PRDM16: variants seen among roughly 807,000 people sequenced by gnomAD.
The protein encoded by PRDM16 is histone-lysine N-methyltransferase PRDM16.
A neutral mutation model predicts 110.6 loss-of-function variants in PRDM16; 23 were observed. The ratio of observed to expected loss-of-function variants is 0.21; its 90% CI spans 0.15 to 0.29. PRDM16 has a LOEUF of 0.29. Ranked by LOEUF, PRDM16 falls within the 10% of genes least tolerant of loss-of-function variation. The pLI is 1.00. For missense variants in PRDM16, 1,615 were observed against 1,794.3 expected (o/e 0.90, Z 1.81); for synonymous variants, 799 against 781.8 (o/e 1.02, Z -0.37).
intron 2 of PRDM16, among the ~76,000 whole-genome samples, chr1:3,219,261 G>A (rs537567465): frequency 6.6e-5 from 10 of 152,344 alleles, no homozygotes; most frequent in Admixed American, 2.0e-4. Context: ...CCAGGCTGAC[G>A]TCTCAATCTG....
chr1:3,295,264 G>A (rs1361307527), intron 3 of PRDM16, among the ~76,000 whole-genome samples: 6 of 152,172 alleles, frequency 3.9e-5, no homozygotes, highest in Non-Finnish European at 7.3e-5. Context: ...TGGCTTGCAG[G>A]GTGAGCCCCT....
intron 2 of PRDM16, among the ~76,000 whole-genome samples, chr1:3,193,131 G>C: frequency 6.6e-6 from 1 of 152,236 alleles, no homozygotes; most frequent in Admixed American, 6.5e-5. Flanking sequence ...GCGGCCAGAC[G>C]ACGAGTACCC....
chr1:3,415,979 A>G (rs1297367759), intron 10 of PRDM16, among the ~76,000 whole-genome samples: 2 of 152,206 alleles, frequency 1.3e-5, no homozygotes, highest in African/African-American at 4.8e-5. Flanking sequence ...CTCAGGGAGC[A>G]AGGCAGCTTC....
intron 10 of PRDM16, 63 bp downstream of exon 10, chr1:3,414,710 C>A: frequency 1.5e-6 from 2 of 1,322,728 alleles, no homozygotes; most frequent in Non-Finnish European, 2.1e-6. Context: ...CATCTCCCGG[C>A]TGTCGAGGCT....
intron 3 of PRDM16, among the ~76,000 whole-genome samples, chr1:3,251,899 G>A (rs961839394): frequency 1.3e-5 from 2 of 152,180 alleles, no homozygotes; most frequent in Admixed American, 6.5e-5. Flanking sequence ...CTTTAAACAC[G>A]AACACACACC....
At chr1:3,147,307 G>A (rs1234430745) in intron 1 of PRDM16, among the ~76,000 whole-genome samples, 1 of 151,932 alleles carries the variant, frequency 6.6e-6, no homozygotes, top group Non-Finnish European at 1.5e-5. Context: ...GGAAAAGAAA[G>A]CCTTGAGGTC....
chr1:3,266,570 C>T (rs181076729), intron 3 of PRDM16, among the ~76,000 whole-genome samples: 1 of 152,212 alleles, frequency 6.6e-6, no homozygotes, highest in Non-Finnish European at 1.5e-5. Flanking sequence ...AGGAGCCACT[C>T]CCTGGATCTC....
At chr1:3,409,802 G>A (rs1396716209) in intron 8 of PRDM16, among the ~76,000 whole-genome samples, 2 of 121,304 alleles carry the variant, frequency 1.6e-5, no homozygotes, top group African/African-American at 3.9e-5. Context: ...GGGTGTGTGT[G>A]GTGTATGTGT....
chr1:3,418,565 C>T, intron 11 of PRDM16, 102 bp from the exon 12 acceptor site: 1 of 773,894 alleles, frequency 1.3e-6, no homozygotes, highest in Admixed American at 2.0e-5. Context: ...ACCTGTGCAT[C>T]AGGTGTGAGA....
Position 3,081,841 on chromosome 1 carries a change from A to G in PRDM16, c.37+12545A>G, listed in dbSNP as rs1266296605. ...CACCTCCTTGCTGCCCTGACTAAAC[A>G]CCAGCTTTGCAAAAGCAAGACCCTG... On this transcript the variant is annotated intron_variant, in intron 1 of 16. Coordinates refer to ENST00000270722, the MANE Select transcript of PRDM16 (RefSeq NM_022114.4). The surrounding 1 kb of genome is among the most constrained non-coding windows in gnomAD (Gnocchi z 4.6). Among the ~76,000 whole-genome samples, 7 of 151,918 alleles carry G rather than the reference A, an allele frequency of 4.6e-5. No homozygotes were observed. Among genetic ancestry groups the G allele is most frequent in the Admixed American group, 4.6e-4 (7 of 15,268 alleles).
chr1:3,170,126 C>A (rs373195054), intron 1 of PRDM16, among the ~76,000 whole-genome samples: 1 of 152,140 alleles, frequency 6.6e-6, no homozygotes, highest in Non-Finnish European at 1.5e-5. Flanking sequence ...TGAGCGCGGA[C>A]GGGCTGGGAA....
In PRDM16 at chr1:3,437,132, C is replaced by T. The variant is rs1186249898; in HGVS notation, c.*3321C>T. 4.3e-6 allele frequency: 1 copy of T among 231,784 alleles called. No individual in the cohort carries two copies. The highest frequency in any genetic ancestry group is 8.5e-6 in the Non-Finnish European group (1 of 117,248). The allele number at this position is 231,784 out of a possible 1,614,324, so 14.4% of individuals were successfully genotyped here. On this transcript the variant is annotated 3_prime_UTR_variant, in exon 17 of 17. Coordinates refer to ENST00000270722, the MANE Select transcript of PRDM16 (RefSeq NM_022114.4). ...CGAGCCCCTGCACCCTGCCTGGGGC[C>T]CTGGGGTGTGGAGCAGTGGCTGGGG...
chr1:3,241,812 G>A (rs928450842), intron 2 of PRDM16, among the ~76,000 whole-genome samples: 1 of 152,160 alleles, frequency 6.6e-6, no homozygotes, highest in African/African-American at 2.4e-5. Flanking sequence ...GGAACGGTGG[G>A]CGCCCAGCAG....
chr1:3,403,768 CCCT>C (rs1477860887), intron 6 of PRDM16, among the ~76,000 whole-genome samples: 2 of 152,168 alleles, frequency 1.3e-5, no homozygotes, highest in Non-Finnish European at 2.9e-5. Context: ...CAACCTGGGC[CCCT>C]CCTCCTGCCT....
intron 1 of PRDM16, among the ~76,000 whole-genome samples, chr1:3,086,505 C>G (rs1002655185): frequency 1.3e-5 from 2 of 152,128 alleles, no homozygotes; most frequent in African/African-American, 2.4e-5. Flanking sequence ...GGCCTCCTCC[C>G]TCCGCTACTG....
chr1:3,199,899 A>T (rs1159264853), intron 2 of PRDM16, among the ~76,000 whole-genome samples: 2 of 152,240 alleles, frequency 1.3e-5, no homozygotes, highest in Non-Finnish European at 2.9e-5. Context: ...CAAGGGCTCC[A>T]GGACAGCTGT....
In PRDM16 at chr1:3,390,678, G is replaced by T. The variant is rs192567489; in HGVS notation, c.573+5392G>T. On this transcript the variant is annotated intron_variant, in intron 4 of 16. Transcript: ENST00000270722. The surrounding 1 kb of genome is among the most constrained non-coding windows in gnomAD (Gnocchi z 5.0). Reference sequence around the variant, plus strand: ...GCGGAGGGCATTTCTCTTTTGCTTTGCTGTCCTGGGCTCTGACCCGGGTCC... The same window carrying T: ...GCGGAGGGCATTTCTCTTTTGCTTTTCTGTCCTGGGCTCTGACCCGGGTCC... 2.2e-3 allele frequency among the ~76,000 whole-genome samples: 339 copies of T among 152,264 alleles called. No homozygotes were observed. Among genetic ancestry groups the T allele is most frequent in the Non-Finnish European group, 3.4e-3 (230 of 67,998 alleles).
rs375314464 is a variant in PRDM16 at position 3,426,211 on chromosome 1, G to A, written c.3270G>A (p.Thr1090=). 1.5e-5 allele frequency: 24 copies of A among 1,613,210 alleles called. No homozygotes were observed. Among genetic ancestry groups the A allele is most frequent in the East Asian group, 8.9e-5 (4 of 44,864 alleles). Residue 1090 remains threonine (T), a synonymous_variant, in exon 14 of 17, where the codon ACG becomes ACA. Coordinates refer to ENST00000270722, the MANE Select transcript of PRDM16 (RefSeq NM_022114.4). ...ATAGTGAGATGAACCAAGCATCAAC[G>A]CGAACAGAGAAACGGTAAGAAAACT... ...IANSEMNQAS[T]RTEKRADMQI...
At chr1:3,095,974 C>T (rs1642388698) in intron 1 of PRDM16, among the ~76,000 whole-genome samples, 1 of 152,070 alleles carries the variant, frequency 6.6e-6, no homozygotes, top group African/African-American at 2.4e-5. Flanking sequence ...CCCTCCCTGT[C>T]TCTCCTCCTC....
Sources: gnomAD v4.1 joint callset for allele counts (sites outside exome capture counted in the v4.1 genomes callset) on GRCh38, gnomAD v4.1.1 for gene constraint, Gnocchi (gnomAD v3.1) non-coding constraint, MANE v1.5 for transcripts, NCBI Gene and HGNC (gene_info 2026-07-23, HGNC 2026-07-21) for gene names.